PIK3R1: variants seen among roughly 807,000 people sequenced by gnomAD.
The protein encoded by PIK3R1 is phosphatidylinositol 3-kinase regulatory subunit alpha.
A neutral mutation model predicts 98.0 loss-of-function variants in PIK3R1; 29 were observed. The ratio of observed to expected loss-of-function variants is 0.30; its 90% CI spans 0.22 to 0.40. PIK3R1 has a LOEUF of 0.40. PIK3R1 is among the 10% of genes least tolerant of loss of function. The pLI is 1.00. For missense variants in PIK3R1, 596 were observed against 872.7 expected, an observed-to-expected ratio of 0.68 and a Z score of 3.99; for synonymous variants, 282 against 311.8, an observed-to-expected ratio of 0.90 and a Z score of 1.01.
chr5:68,277,681 T>G (rs1401570859), intron 4 of PIK3R1, among the ~76,000 whole-genome samples: 5 of 152,222 alleles, frequency 3.3e-5, no homozygotes, highest in African/African-American at 1.2e-4. Context: ...TCATTTATAC[T>G]CAAACACTTT....
At chr5:68,239,667 A>G (rs1166677637) in intron 2 of PIK3R1, among the ~76,000 whole-genome samples, 1 of 152,230 alleles carries the variant, frequency 6.6e-6, no homozygotes, top group African/African-American at 2.4e-5. Context: ...GCAACTGTGC[A>G]ATACAGCGAA....
intron 2 of PIK3R1, among the ~76,000 whole-genome samples, chr5:68,230,117 C>G (rs1227854130): frequency 6.6e-6 from 1 of 152,216 alleles, no homozygotes; most frequent in African/African-American, 2.4e-5. Flanking sequence ...TACAGCTCTT[C>G]CCCTAGACAT....
rs1292379982 is a variant in PIK3R1 at position 68,301,218 on chromosome 5, A to C, written c.*3617A>C. 4.7e-6 allele frequency: 1 copy of C among 213,894 alleles called. No individual in the cohort carries two copies. The highest frequency in any genetic ancestry group is 7.0e-5 in the East Asian group (1 of 14,350). 13.2% of individuals were successfully genotyped at this position (213,894 alleles called of 1,614,324 possible). A position where few individuals can be genotyped will look rare whatever the true frequency, so the allele number is the denominator to read the frequency against. ...AATGCCAAATTCTTATTTTTTAAAA[A>C]GCTAGTTCTATAAAATACTGGTATT... On this transcript the variant is annotated 3_prime_UTR_variant, in exon 16 of 16. Transcript: ENST00000521381.
rs572527824 is a variant in PIK3R1 at position 68,241,395 on chromosome 5, T to G, written c.334+14386T>G. ...GTGGTTACAATTTTTTTTGTTTTTT[T>G]TTTTTTTACAGTACTGTTTTTAGTT... On this transcript the variant is annotated intron_variant, in intron 2 of 15. Coordinates refer to ENST00000521381, the MANE Select transcript of PIK3R1 (RefSeq NM_181523.3). Among the ~76,000 whole-genome samples, 7 of 151,994 alleles carry G rather than the reference T, an allele frequency of 4.6e-5. No individual in the cohort carries two copies. The East Asian group carries it at 1.4e-3, about 29-fold the overall frequency.
At chr5:68,227,806 T>C (rs551567781) in intron 2 of PIK3R1, among the ~76,000 whole-genome samples, 8 of 152,198 alleles carry the variant, frequency 5.3e-5, no homozygotes, top group Non-Finnish European at 1.2e-4. Flanking sequence ...GCCTATAGTC[T>C]GGTTCGCCTT....
chr5:68,233,561 C>G (rs1744557824), intron 2 of PIK3R1, among the ~76,000 whole-genome samples: 1 of 152,136 alleles, frequency 6.6e-6, no homozygotes, highest in South Asian at 2.1e-4. Flanking sequence ...TATCAGACTA[C>G]TTTATAAATG....
chr5:68,268,089 T>C (rs558890618), intron 2 of PIK3R1, among the ~76,000 whole-genome samples: 100 of 152,244 alleles, frequency 6.6e-4, no homozygotes, highest in African/African-American at 2.3e-3. Context: ...CATGTTTATA[T>C]ATATATATTA....
At chr5:68,296,447 G>C in intron 15 of PIK3R1, 106 bp downstream of exon 15, 1 of 1,083,052 alleles carries the variant, frequency 9.2e-7, no homozygotes, top group Non-Finnish European at 1.3e-6. Context: ...TTTTAGTCTT[G>C]AATAAGCTTA....
intron 4 of PIK3R1, among the ~76,000 whole-genome samples, chr5:68,276,331 G>A (rs141044791): frequency 9.9e-5 from 15 of 152,278 alleles, no homozygotes; most frequent in Admixed American, 5.9e-4. Flanking sequence ...TCCCCCAGTT[G>A]TGACAATCAG....
Position 68,279,453 on chromosome 5 carries a change from C to T in PIK3R1, c.503-149C>T, listed in dbSNP as rs3730084. 0.022 allele frequency: 14,646 copies of T among 663,036 alleles called. 271 individuals are homozygous for T. The highest frequency in any genetic ancestry group is 0.041 in the Middle Eastern group (104 of 2,538). The allele number at this position is 663,036 out of a possible 1,614,324, so 41.1% of individuals were successfully genotyped here. On this transcript the variant is annotated intron_variant, in intron 4 of 15. Transcript: ENST00000521381. ...CAACCCCTACAAGAAGTACGGCTAA[C>T]GAATACTTTGTGTCTTGTATTTATC...
intron 7 of PIK3R1, chr5:68,290,594 A>G (rs1747331310): frequency 6.9e-6 from 9 of 1,306,936 alleles, no homozygotes; most frequent in Middle Eastern, 2.0e-4. Context: ...TTCTGACTTG[A>G]TTGGCTGGGG....
At chr5:68,251,207 G>A (rs375308109) in intron 2 of PIK3R1, among the ~76,000 whole-genome samples, 6 of 151,984 alleles carry the variant, frequency 3.9e-5, no homozygotes. Context: ...TTGTTATTAT[G>A]GAAGGTAAAA....
rs2112293230 is a variant in PIK3R1 at position 68,297,548 on chromosome 5, G to A, written c.2122G>A (p.Asp708Asn). 1 of 1,614,134 alleles carries A rather than the reference G, an allele frequency of 6.2e-7. No homozygotes were observed. The highest frequency in any genetic ancestry group is 8.5e-7 in the Non-Finnish European group (1 of 1,180,024). ...YQHTSLVQHN[D>N]SLNVTLAYPV... ...ACACACCTCCCTTGTGCAGCACAAC[G>A]ACTCCCTCAATGTCACACTAGCCTA... The change falls in exon 16 of 16, where the codon GAC becomes AAC. Residue 708 changes from aspartate (D) to asparagine (N), a missense_variant. Asp to Asn is a conservative substitution (Grantham distance 23). Transcript: ENST00000521381.
rs1330553651 is a variant in PIK3R1 at position 68,226,888 on chromosome 5, A to C, written c.213A>C (p.Gly71=). The C allele has an allele frequency of 2.4e-5, 38 of 1,614,048 alleles. No individual in the cohort carries two copies. The highest frequency in any genetic ancestry group is 3.2e-5 in the Non-Finnish European group (38 of 1,179,996). Residue 71 remains glycine, a synonymous_variant, in exon 2 of 16, where the codon GGA becomes GGC. Coordinates refer to ENST00000521381, the MANE Select transcript of PIK3R1 (RefSeq NM_181523.3). ...ETTGERGDFP[G]TYVEYIGRKK... ...CAGGGGAAAGGGGGGACTTTCCGGG[A>C]ACTTACGTAGAATATATTGGAAGGA...
chr5:68,279,552 A>G (rs749897525), intron 4 of PIK3R1, 50 bp from the exon 5 acceptor site: 2 of 1,467,062 alleles, frequency 1.4e-6, no homozygotes, highest in Non-Finnish European at 1.9e-6. Context: ...AGCCCAACTG[A>G]TGTATTCTAT....
chr5:68,255,954 G>A (rs1745499587), intron 2 of PIK3R1, among the ~76,000 whole-genome samples: 1 of 152,202 alleles, frequency 6.6e-6, no homozygotes, highest in Non-Finnish European at 1.5e-5. Context: ...TTGTGGTGTG[G>A]TTTTATTCTT....
chr5:68,296,194 A>T lies in PIK3R1; in HGVS notation c.1838A>T (p.Asp613Val). 1 of 1,614,162 alleles carries T rather than the reference A, an allele frequency of 6.2e-7. No individual in the cohort carries two copies. The highest frequency in any genetic ancestry group is 8.5e-7 in the Non-Finnish European group (1 of 1,180,016). Residue 613 changes from aspartate to valine, a missense_variant, in exon 15 of 16, where the codon GAT (aspartate) becomes GTT (valine). Physicochemically the swap from Asp to Val is radical, Grantham distance 152. Around this residue, in one of 3 missense-constraint regions of PIK3R1, gnomAD observed 207 missense variants for 361.4 expected, o/e 0.57. Coordinates refer to ENST00000521381, the MANE Select transcript of PIK3R1 (RefSeq NM_181523.3). The part of the protein sequence containing the change: ...TEDQYSLVED[D>V]EDLPHHDEKT... ...AGCCAATATTCACTGGTGGAAGATG[A>T]TGAAGATTTGCCCCATCATGATGAG...
chr5:68,256,320 C>T (rs1323673382), intron 2 of PIK3R1, among the ~76,000 whole-genome samples: 1 of 152,238 alleles, frequency 6.6e-6, no homozygotes, highest in Non-Finnish European at 1.5e-5. Context: ...AGCTCCACCT[C>T]TCAGGTTCAC....
At chr5:68,223,009 CACAT>C (rs1744144411) in intron 1 of PIK3R1, among the ~76,000 whole-genome samples, 1 of 151,368 alleles carries the variant, frequency 6.6e-6, no homozygotes, top group Non-Finnish European at 1.5e-5. Flanking sequence ...CACACACACA[CACAT>C]ACATATATGA....
Sources: gnomAD v4.1 joint callset for allele counts (sites outside exome capture counted in the v4.1 genomes callset) on GRCh38, gnomAD v4.1.1 for gene constraint, gnomAD v4.1.1 regional missense constraint, MANE v1.5 for transcripts, NCBI Gene and HGNC (gene_info 2026-07-23, HGNC 2026-07-21) for gene names.